Variants in TGM2 observed in about 807,000 individuals in gnomAD.
TGM2 encodes transglutaminase 2.
A neutral mutation model predicts 75.6 loss-of-function variants in TGM2; 53 were observed. That is an observed-to-expected ratio of 0.70 (90% CI 0.56 to 0.88). The LOEUF is 0.88. Ranked by LOEUF, TGM2 falls within the 40% of genes least tolerant of loss-of-function variation. The pLI is 0.00. For synonymous variants in TGM2, 374 were observed against 381.1 expected (o/e 0.98, Z 0.22); for missense variants, 842 against 928.5 (o/e 0.91, Z 1.21).
chr20:38,160,468 C>A (rs1253777525), intron 2 of TGM2, among the ~76,000 whole-genome samples: 3 of 152,222 alleles, frequency 2.0e-5, no homozygotes, highest in Admixed American at 6.5e-5. Context: ...CAAATATCTG[C>A]AGGCCCTCCC....
intron 6 of TGM2, among the ~76,000 whole-genome samples, chr20:38,142,430 C>T (rs760519182): frequency 1.2e-4 from 18 of 152,166 alleles, no homozygotes; most frequent in Admixed American, 9.8e-4. Flanking sequence ...ATACAAACCC[C>T]GGCCAGGCGT....
At chr20:38,132,202 C>T (rs1304610605) in intron 11 of TGM2, 138 bp downstream of exon 11, 2 of 943,716 alleles carry the variant, frequency 2.1e-6, no homozygotes, top group African/African-American at 3.3e-5. Flanking sequence ...TTCGATGAGG[C>T]TAGGATTTGA....
At chr20:38,149,690 A>AAAAAAAAAAAAAAAAAAAC (rs1457426013) in intron 4 of TGM2, among the ~76,000 whole-genome samples, 3 of 149,002 alleles carry the variant, frequency 2.0e-5, no homozygotes, top group African/African-American at 7.6e-5. Context: ...AAAAAAAAAA[A>AAAAAAAAAAAAAAAAAAAC]AAAAAAAAAA....
Position 38,128,652 on chromosome 20 carries a change from C to G in TGM2, c.*1567G>C, listed in dbSNP as rs572839693. On this transcript the variant is annotated 3_prime_UTR_variant, in exon 13 of 13. Transcript: ENST00000361475. ...GCAAAGCAGAAAGTTCTAAATGCAA[C>G]AGCATGATTCTCTCCAAGTCCTTCC... 6.6e-6 allele frequency: 1 copy of G among 152,346 alleles called. No individual in the cohort carries two copies. The highest frequency in any genetic ancestry group is 1.5e-5 in the Non-Finnish European group (1 of 68,030). The allele number at this position is 152,346 out of a possible 1,614,324, so 9.4% of individuals were successfully genotyped here.
chr20:38,156,063 T>C lies in TGM2; in HGVS notation c.217A>G (p.Thr73Ala). The change falls in exon 3 of 13, where the codon ACC (threonine) becomes GCC (alanine). Residue 73 changes from threonine (T) to alanine (A), a missense_variant. Thr to Ala is a moderately conservative substitution (Grantham distance 58). Transcript: ENST00000361475. ...TCTCTTAGTGGAAAACGGGCCTTGG[T>C]CCCGGCCTCCTGGCTAGGGGCTGGG... ...TGPAPSQEAG[T>A]KARFPLRDAV... 6.2e-7 allele frequency: 1 copy of C among 1,613,570 alleles called. No individual in the cohort carries two copies. The highest frequency in any genetic ancestry group is 8.5e-7 in the Non-Finnish European group (1 of 1,179,946).
chr20:38,151,910 A>G (rs1403738814), intron 3 of TGM2, among the ~76,000 whole-genome samples: 1 of 152,154 alleles, frequency 6.6e-6, no homozygotes, highest in Non-Finnish European at 1.5e-5. Context: ...AGATGGTAGG[A>G]GCCCAAAGGT....
At chr20:38,152,704 C>T (rs913635236) in intron 3 of TGM2, among the ~76,000 whole-genome samples, 2 of 152,232 alleles carry the variant, frequency 1.3e-5, no homozygotes, top group Non-Finnish European at 2.9e-5. Context: ...CCCTTTCCCA[C>T]CCATCAGACT....
At chr20:38,163,382 A>G (rs953548452) in intron 1 of TGM2, among the ~76,000 whole-genome samples, 2 of 152,226 alleles carry the variant, frequency 1.3e-5, no homozygotes, top group Non-Finnish European at 2.9e-5. Flanking sequence ...ACCATCGACT[A>G]TTCCAAAAAT....
chr20:38,162,384 A>G (rs2075265202), intron 1 of TGM2, among the ~76,000 whole-genome samples: 1 of 152,198 alleles, frequency 6.6e-6, no homozygotes, highest in Admixed American at 6.5e-5. Context: ...TTTAGATCCA[A>G]TGTTCAATTT....
At chr20:38,143,323 A>C (rs1359322041) in intron 6 of TGM2, among the ~76,000 whole-genome samples, 7 of 152,210 alleles carry the variant, frequency 4.6e-5, no homozygotes, top group Admixed American at 4.6e-4. Flanking sequence ...CCTTGGTTCC[A>C]TCTCTTTGTG....
In TGM2 at chr20:38,129,711, C is replaced by T. The variant is rs555401692; in HGVS notation, c.*508G>A. On this transcript the variant is annotated 3_prime_UTR_variant, in exon 13 of 13. Transcript: ENST00000361475. ...TTGGGCTGCTGGGATGTGGAGGGGA[C>T]CTTGGGCCTATCACTGTCCCCACCC... 18 of 161,586 alleles carry T rather than the reference C, an allele frequency of 1.1e-4. No homozygotes were observed. In the South Asian group the frequency reaches 2.8e-3, roughly 25 times the overall value. 10.0% of individuals were successfully genotyped at this position (161,586 alleles called of 1,614,324 possible).
intron 7 of TGM2, among the ~76,000 whole-genome samples, chr20:38,141,717 C>T (rs572222757): frequency 6.6e-6 from 1 of 151,770 alleles, no homozygotes; most frequent in East Asian, 2.0e-4. Context: ...ACCTGGACCA[C>T]GCCCCAGCCC....
Position 38,165,218 on chromosome 20 carries a change from C to T in TGM2, c.-20G>A, listed in dbSNP as rs1568708911. On this transcript the variant is annotated 5_prime_UTR_variant, in exon 1 of 13. Coordinates refer to ENST00000361475, the MANE Select transcript of TGM2 (RefSeq NM_004613.4). ...GGCCATGGTCGGGCGGGGGCGGTGGCTCCTTCCACTGGCGGCGAGACCCTC... is the reference window on the plus strand; with the variant it reads ...GGCCATGGTCGGGCGGGGGCGGTGGTTCCTTCCACTGGCGGCGAGACCCTC... The T allele has an allele frequency of 1.2e-6, 2 of 1,613,100 alleles. No homozygotes were observed. The highest frequency in any genetic ancestry group is 3.3e-5 in the Admixed American group (2 of 60,018).
intron 2 of TGM2, among the ~76,000 whole-genome samples, chr20:38,159,123 AC>A (rs2075223135): frequency 6.6e-6 from 1 of 152,086 alleles, no homozygotes; most frequent in Non-Finnish European, 1.5e-5. Flanking sequence ...CCTTCACCCA[AC>A]CCCAAACTCA....
Position 38,165,212 on chromosome 20 carries a change from C to T in TGM2, c.-14G>A. On this transcript the variant is annotated 5_prime_UTR_variant, in exon 1 of 13. Transcript: ENST00000361475. ...ACCCTCGGCCATGGTCGGGCGGGGGCGGTGGCTCCTTCCACTGGCGGCGAG... is the reference window on the plus strand; with the variant it reads ...ACCCTCGGCCATGGTCGGGCGGGGGTGGTGGCTCCTTCCACTGGCGGCGAG... 3 of 1,613,198 alleles carry T rather than the reference C, an allele frequency of 1.9e-6. No homozygotes were observed. Among genetic ancestry groups the T allele is most frequent in the East Asian group, 2.2e-5 (1 of 44,862 alleles).
At chr20:38,162,812 G>A (rs928916760) in intron 1 of TGM2, among the ~76,000 whole-genome samples, 10 of 152,280 alleles carry the variant, frequency 6.6e-5, no homozygotes, top group South Asian at 2.1e-4. Flanking sequence ...GAGACACCAC[G>A]GTGGTCAGTG....
chr20:38,136,721 G>T (rs980099227), intron 10 of TGM2, among the ~76,000 whole-genome samples: 1 of 152,152 alleles, frequency 6.6e-6, no homozygotes, highest in Non-Finnish European at 1.5e-5. Flanking sequence ...CCTCACACCT[G>T]CAGGGCTCCA....
chr20:38,141,268 G>A lies in TGM2; in HGVS notation c.1099+14C>T, dbSNP rs1476869804. 6 of 1,553,450 alleles carry A rather than the reference G, an allele frequency of 3.9e-6. No individual in the cohort carries two copies. The highest frequency in any genetic ancestry group is 1.4e-5 in the African/African-American group (1 of 73,448). ...TTCCCCATCTGTTTGACGCGACAGT[G>A]CCCGCCCACGCACCTTCGCTCTTCT... On this transcript the variant is annotated intron_variant, in intron 8 of 12. Coordinates refer to ENST00000361475, the MANE Select transcript of TGM2 (RefSeq NM_004613.4).
chr20:38,130,047 G>A lies in TGM2; in HGVS notation c.*172C>T. ...CAAAGGGGGTGAGTGGGGACCCACA[G>A]GCTCAGGAGGCTGAGATGGGCCAGG... is the stretch of plus-strand genomic sequence containing the variant. On this transcript the variant is annotated 3_prime_UTR_variant, in exon 13 of 13. Coordinates refer to ENST00000361475, the MANE Select transcript of TGM2 (RefSeq NM_004613.4). The A allele has an allele frequency of 1.2e-6, 1 of 818,618 alleles. No homozygotes were observed. The highest frequency in any genetic ancestry group is 1.7e-5 in the South Asian group (1 of 58,182). 50.7% of individuals were successfully genotyped at this position (818,618 alleles called of 1,614,324 possible). A position where few individuals can be genotyped will look rare whatever the true frequency, so the allele number is the denominator to read the frequency against.
Sources: gnomAD v4.1 joint callset for allele counts (sites outside exome capture counted in the v4.1 genomes callset) on GRCh38, gnomAD v4.1.1 for gene constraint, MANE v1.5 for transcripts, NCBI Gene and HGNC (gene_info 2026-07-23, HGNC 2026-07-21) for gene names.